DSCAML1: variants seen among roughly 807,000 people sequenced by gnomAD.
DSCAML1 encodes the protein DS cell adhesion molecule like 1, also known as cell adhesion molecule DSCAML1.
In DSCAML1, 38 loss-of-function variants were observed where a neutral mutation model predicts 200.5. The ratio of observed to expected loss-of-function variants is 0.19; its 90% CI spans 0.15 to 0.25. The LOEUF (loss-of-function observed/expected upper bound fraction) is 0.25, where lower values mean the gene tolerates loss of function less well. Ranked by LOEUF, DSCAML1 falls within the 10% of genes least tolerant of loss-of-function variation. The probability of loss-of-function intolerance (pLI) is 1.00; values close to 1 mark genes in which losing one functional copy is unlikely to be tolerated. For missense variants in DSCAML1, 2,223 were observed against 2,858.8 expected (o/e 0.78, Z 5.07); for synonymous variants, 1,215 against 1,165.0 (o/e 1.04, Z -0.87).
At chr11:117,619,009 C>T (rs2051870003) in intron 3 of DSCAML1, among the ~76,000 whole-genome samples, 4 of 152,188 alleles carry the variant, frequency 2.6e-5, no homozygotes, top group Admixed American at 2.6e-4. Context: ...CGCACCCAGC[C>T]CCAGCCCAGC....
intron 1 of DSCAML1, among the ~76,000 whole-genome samples, chr11:117,809,858 C>T (rs1433111814): frequency 6.6e-6 from 1 of 151,870 alleles, no homozygotes; most frequent in Non-Finnish European, 1.5e-5. Context: ...CACACTCACA[C>T]TCACTTACAC....
intron 19 of DSCAML1, among the ~76,000 whole-genome samples, chr11:117,456,863 C>T (rs768473243): frequency 7.2e-5 from 11 of 151,778 alleles, no homozygotes; most frequent in East Asian, 5.8e-4. Flanking sequence ...TTAGTAATGA[C>T]GGGGTTTCCC....
intron 20 of DSCAML1, among the ~76,000 whole-genome samples, chr11:117,447,604 G>A (rs1466522314): frequency 2.0e-5 from 3 of 152,146 alleles, no homozygotes; most frequent in Non-Finnish European, 2.9e-5. Context: ...AGTGAAAAAT[G>A]TATTATATTA....
intron 3 of DSCAML1, among the ~76,000 whole-genome samples, chr11:117,776,298 A>G (rs2055128029): frequency 6.6e-6 from 1 of 152,320 alleles, no homozygotes; most frequent in South Asian, 2.1e-4. Context: ...AACTCATTCA[A>G]GAAGGGAAGA....
chr11:117,586,593 C>T (rs2051147706), intron 3 of DSCAML1, among the ~76,000 whole-genome samples: 1 of 152,158 alleles, frequency 6.6e-6, no homozygotes, highest in African/African-American at 2.4e-5. Flanking sequence ...CTGGCAGGAT[C>T]AGATCTAGAC....
At chr11:117,573,405 T>C (rs1332665996) in intron 3 of DSCAML1, among the ~76,000 whole-genome samples, 1 of 152,214 alleles carries the variant, frequency 6.6e-6, no homozygotes, top group Non-Finnish European at 1.5e-5. Context: ...TGACAGCCCC[T>C]GACAGCTACA....
In DSCAML1 at chr11:117,471,861, G is replaced by A; in HGVS notation, c.2953+8C>T. ...CCATGGGCAGGGCAGGCTGGGTGAG[G>A]TGCTCACCGGCCTCCTCAGTGCTGA... On this transcript the variant is annotated splice_region_variant and intron_variant, in intron 15 of 32. Coordinates refer to ENST00000651296, the MANE Select transcript of DSCAML1 (RefSeq NM_020693.4). 1 of 1,599,084 alleles carries A rather than the reference G, an allele frequency of 6.3e-7. No individual in the cohort carries two copies. The highest frequency in any genetic ancestry group is 8.5e-7 in the Non-Finnish European group (1 of 1,170,958).
chr11:117,531,881 C>T (rs574583015), intron 4 of DSCAML1, among the ~76,000 whole-genome samples: 16 of 129,766 alleles, frequency 1.2e-4, no homozygotes, highest in Admixed American at 8.1e-4. Context: ...AGAGAAACTC[C>T]GTCTCAGGAA....
At chr11:117,755,207 G>T (rs2054665830) in intron 3 of DSCAML1, among the ~76,000 whole-genome samples, 1 of 152,050 alleles carries the variant, frequency 6.6e-6, no homozygotes, top group Non-Finnish European at 1.5e-5. Flanking sequence ...CTAAAGATTT[G>T]TCCAGGACTT....
At position 117,797,107 on chromosome 11, in the gene DSCAML1, A is replaced by G; in HGVS notation, c.-28T>C. 1 of 1,589,132 alleles carries G rather than the reference A, an allele frequency of 6.3e-7. No homozygotes were observed. The highest frequency in any genetic ancestry group is 1.7e-5 in the Admixed American group (1 of 57,322). ...CATAAAGAGGCCCTATTCTCCGGGG[A>G]GGTGGTCCTGTGGCCGGCCGTGCGG... On this transcript the variant is annotated 5_prime_UTR_variant, in exon 1 of 33. Coordinates refer to ENST00000651296, the MANE Select transcript of DSCAML1 (RefSeq NM_020693.4).
intron 3 of DSCAML1, among the ~76,000 whole-genome samples, chr11:117,616,793 G>C (rs2051819417): frequency 6.6e-6 from 1 of 152,134 alleles, no homozygotes; most frequent in African/African-American, 2.4e-5. Flanking sequence ...CCTTTGACAT[G>C]TATATTAAAA....
chr11:117,442,950 C>T (rs534218002), intron 21 of DSCAML1, among the ~76,000 whole-genome samples: 1 of 152,308 alleles, frequency 6.6e-6, no homozygotes, highest in Non-Finnish European at 1.5e-5. Flanking sequence ...AGGTGGAAGC[C>T]CCTGGCCCAC....
intron 14 of DSCAML1, among the ~76,000 whole-genome samples, chr11:117,478,754 G>T (rs2048848787): frequency 1.3e-5 from 2 of 152,170 alleles, no homozygotes; most frequent in Admixed American, 6.5e-5. Flanking sequence ...ACCCTCACTT[G>T]GTCTCTGTCC....
At chr11:117,571,863 T>C (rs2050852427) in intron 3 of DSCAML1, among the ~76,000 whole-genome samples, 1 of 152,064 alleles carries the variant, frequency 6.6e-6, no homozygotes, top group African/African-American at 2.4e-5. Context: ...CAGGTTGCAG[T>C]AAAGGAGCTG....
chr11:117,612,627 G>A (rs1005654413), intron 3 of DSCAML1, among the ~76,000 whole-genome samples: 4 of 152,158 alleles, frequency 2.6e-5, no homozygotes, highest in Admixed American at 6.5e-5. Flanking sequence ...CACTGCCAGC[G>A]CCATGCTGAG....
intron 11 of DSCAML1, among the ~76,000 whole-genome samples, chr11:117,495,822 G>A (rs542875781): frequency 1.4e-4 from 22 of 152,288 alleles, no homozygotes; most frequent in Admixed American, 7.2e-4. Context: ...CCTGGTATTT[G>A]TTCCTTCAGA....
Position 117,458,869 on chromosome 11 carries a change from C to T in DSCAML1, c.3453G>A (p.Arg1151=). 1 of 1,614,068 alleles carries T rather than the reference C, an allele frequency of 6.2e-7. No individual in the cohort carries two copies. Among genetic ancestry groups the T allele is most frequent in the Non-Finnish European group, 8.5e-7 (1 of 1,180,022 alleles). ...EMQNITTTRE[R]VELRGMEKFT... The stretch of plus-strand genomic sequence containing the variant: ...ACTTCTCCATGCCCCGCAGCTCCAC[C>T]CGCTCCCGCGTGGTGGTGATGTTCT... Residue 1151 remains arginine (R), a synonymous_variant, in exon 19 of 33, where the codon CGG becomes CGA. Coordinates refer to ENST00000651296, the MANE Select transcript of DSCAML1 (RefSeq NM_020693.4).
intron 3 of DSCAML1, among the ~76,000 whole-genome samples, chr11:117,621,526 C>T (rs906940418): frequency 6.6e-6 from 1 of 152,078 alleles, no homozygotes; most frequent in African/African-American, 2.4e-5. Flanking sequence ...AGAGTGAAGC[C>T]AGGGGATTCT....
intron 8 of DSCAML1, among the ~76,000 whole-genome samples, chr11:117,506,721 A>ATT (rs148717406): frequency 8.0e-5 from 12 of 150,740 alleles, no homozygotes; most frequent in African/African-American, 2.7e-4. Context: ...CTAATTTTTA[A>ATT]TTTTTTTTAA....
Sources: allele counts gnomAD v4.1 joint callset (sites outside exome capture counted in the v4.1 genomes callset), GRCh38; gene constraint gnomAD v4.1.1; transcripts MANE v1.5; gene names NCBI Gene and HGNC (gene_info 2026-07-23, HGNC 2026-07-21).